Variants in AGBL2 observed in about 807,000 individuals in gnomAD.
AGBL2 encodes the protein cytosolic carboxypeptidase 2.
A neutral mutation model predicts 103.0 loss-of-function variants in AGBL2; 87 were observed. The observed-to-expected ratio is 0.84, with a 90% CI of 0.71 to 1.01. The LOEUF is 1.01. Ranked by LOEUF, AGBL2 falls within the 50% of genes least tolerant of loss-of-function variation. The pLI is 0.00. For missense variants in AGBL2, 904 were observed against 1,023.5 expected, an observed-to-expected ratio of 0.88 and a Z score of 1.59; for synonymous variants, 335 against 356.7, an observed-to-expected ratio of 0.94 and a Z score of 0.69.
intron 8 of AGBL2, among the ~76,000 whole-genome samples, chr11:47,697,865 A>T (rs1298879377): frequency 9.1e-5 from 12 of 132,446 alleles, no homozygotes; most frequent in Non-Finnish European, 1.6e-4. Context: ...TTTATTTTTT[A>T]TTTTTTTTTA....
At chr11:47,664,720 C>A (rs1317205665) in intron 17 of AGBL2, among the ~76,000 whole-genome samples, 1 of 151,718 alleles carries the variant, frequency 6.6e-6, no homozygotes, top group Non-Finnish European at 1.5e-5. Flanking sequence ...CCACATCCAG[C>A]TAAGTTTTAA....
chr11:47,676,533 T>G (rs1408462853), intron 14 of AGBL2, among the ~76,000 whole-genome samples: 1 of 152,142 alleles, frequency 6.6e-6, no homozygotes, highest in African/African-American at 2.4e-5. Context: ...CTAAAACCTG[T>G]CTGGGGCCGG....
intron 8 of AGBL2, among the ~76,000 whole-genome samples, chr11:47,693,472 T>G (rs554065994): frequency 7.9e-5 from 12 of 152,254 alleles, no homozygotes; most frequent in African/African-American, 2.9e-4. Context: ...CCATTTGTTA[T>G]AGAGGCCATT....
At chr11:47,660,851 G>A (rs1661140497) in intron 18 of AGBL2, among the ~76,000 whole-genome samples, 1 of 152,000 alleles carries the variant, frequency 6.6e-6, no homozygotes, top group South Asian at 2.1e-4. Context: ...CCACCACGCC[G>A]GCCAACATGG....
intron 8 of AGBL2, among the ~76,000 whole-genome samples, chr11:47,694,952 C>A (rs2153804536): frequency 6.6e-6 from 1 of 151,710 alleles, no homozygotes; most frequent in African/African-American, 2.4e-5. Context: ...AGTTCAAGAC[C>A]AGCCTGGCCA....
At chr11:47,663,587 A>C (rs1598883552) in intron 17 of AGBL2, among the ~76,000 whole-genome samples, 3 of 144,788 alleles carry the variant, frequency 2.1e-5, no homozygotes, top group Admixed American at 7.0e-5. Context: ...ACGGAGTTTC[A>C]CTCTTGTTGC....
chr11:47,676,176 C>CT (rs1207519722), intron 14 of AGBL2, among the ~76,000 whole-genome samples: 2 of 152,104 alleles, frequency 1.3e-5, no homozygotes, highest in African/African-American at 4.8e-5. Context: ...CACTACCTCT[C>CT]TAATTTTTTC....
intron 4 of AGBL2, 121 bp downstream of exon 4, chr11:47,710,256 T>C: frequency 8.3e-7 from 1 of 1,200,176 alleles, no homozygotes; most frequent in Non-Finnish European, 1.2e-6. Context: ...TGAATGGTGT[T>C]AGAAACAGAG....
intron 7 of AGBL2, among the ~76,000 whole-genome samples, chr11:47,704,063 C>G (rs2097508524): frequency 1.3e-5 from 2 of 151,566 alleles, no homozygotes; most frequent in African/African-American, 4.9e-5. Flanking sequence ...GATTGCGCCA[C>G]TGCACTCCAG....
intron 8 of AGBL2, among the ~76,000 whole-genome samples, chr11:47,696,010 C>CAAAAAAAAAAAA (rs1171058500): frequency 3.0e-3 from 51 of 17,192 alleles, no homozygotes; most frequent in African/African-American, 3.6e-3. Context: ...ACTAAAAATA[C>CAAAAAAAAAAAA]AAAAAAAAAA....
At chr11:47,666,428 A>G (rs1224728160) in intron 17 of AGBL2, among the ~76,000 whole-genome samples, 1 of 151,906 alleles carries the variant, frequency 6.6e-6, no homozygotes, top group Non-Finnish European at 1.5e-5. Context: ...AAGATTTTAT[A>G]GCCATAAAAC....
chr11:47,680,801 AAAAC>A (rs2097398523), intron 12 of AGBL2, among the ~76,000 whole-genome samples: 2 of 152,032 alleles, frequency 1.3e-5, no homozygotes, highest in African/African-American at 4.8e-5. Flanking sequence ...AAAACAAAAC[AAAAC>A]AAAACAAAAC....
rs1019094094 is a variant in AGBL2, at chr11:47,685,992, C to T, written c.1689G>A (p.Lys563=). 4.3e-6 allele frequency: 7 copies of T among 1,614,006 alleles called. No individual in the cohort carries two copies. Among genetic ancestry groups the T allele is most frequent in the Non-Finnish European group, 5.1e-6 (6 of 1,179,950 alleles). Residue 563 remains lysine, a synonymous_variant, in exon 11 of 19, where the codon AAG becomes AAA. Transcript: ENST00000525123. ...LYCDFHGHSR[K]NNIFLYGCNN... ...TACAGCCATACAGGAAGATATTATT[C>T]TTACGACTGTGGCCATGGAAATCAC...
chr11:47,701,904 C>T (rs767782551), intron 7 of AGBL2, among the ~76,000 whole-genome samples: 3 of 147,428 alleles, frequency 2.0e-5, no homozygotes, highest in Non-Finnish European at 4.4e-5. Flanking sequence ...ACCTGGGAGG[C>T]GGAGGTTGCA....
At chr11:47,669,688 A>G (rs2097351470) in intron 14 of AGBL2, among the ~76,000 whole-genome samples, 1 of 152,106 alleles carries the variant, frequency 6.6e-6, no homozygotes, top group Non-Finnish European at 1.5e-5. Context: ...AATAAAAAAA[A>G]AAAAGAAAAA....
intron 8 of AGBL2, among the ~76,000 whole-genome samples, chr11:47,697,569 G>A (rs528398485): frequency 8.9e-6 from 1 of 111,782 alleles, no homozygotes; most frequent in South Asian, 2.9e-4. Context: ...TTTTTGAGAC[G>A]GAGTCTTGCT....
chr11:47,660,933 A>G (rs2097326380), intron 18 of AGBL2, among the ~76,000 whole-genome samples: 1 of 152,226 alleles, frequency 6.6e-6, no homozygotes, highest in Non-Finnish European at 1.5e-5. Flanking sequence ...TACACAAAAA[A>G]ATAGAAAAAC....
chr11:47,695,966 A>ACCAGCCTGGCCAATATGGTGAAACT (rs2097468421), intron 8 of AGBL2, among the ~76,000 whole-genome samples: 1 of 141,204 alleles, frequency 7.1e-6, no homozygotes, highest in Non-Finnish European at 1.5e-5. Flanking sequence ...GAAGTTTGAG[A>ACCAGCCTGGCCAATATGGTGAAACT]CCAGCCTGGC....
chr11:47,713,986 T>C (rs1294676001), intron 3 of AGBL2: 1 of 286,102 alleles, frequency 3.5e-6, no homozygotes, highest in African/African-American at 2.2e-5. Flanking sequence ...AGATAAAGAC[T>C]ATTTTAATGC....
Sources: gnomAD v4.1 joint callset for allele counts (sites outside exome capture counted in the v4.1 genomes callset) on GRCh38, gnomAD v4.1.1 for gene constraint, MANE v1.5 for transcripts, NCBI Gene and HGNC (gene_info 2026-07-23, HGNC 2026-07-21) for gene names.